The following TLL1 variants were observed in gnomAD, a reference collection of about 807,000 sequenced individuals.
TLL1 encodes the protein tolloid like 1, also known as tolloid-like protein 1.
TLL1 carries 49 observed loss-of-function variants against 128.2 expected under a neutral mutation model. That is an observed-to-expected ratio of 0.38 (90% CI 0.30 to 0.48). TLL1 has a LOEUF of 0.48. TLL1 is among the 20% of genes least tolerant of loss of function. The probability of loss-of-function intolerance (pLI) is 0.96; values close to 1 mark genes in which losing one functional copy is unlikely to be tolerated. For missense variants in TLL1, 1,123 were observed against 1,242.0 expected (o/e 0.90, Z 1.44); for synonymous variants, 454 against 418.8 (o/e 1.08, Z -1.03).
At chr4:165,943,724 C>T (rs1264019897) in intron 1 of TLL1, among the ~76,000 whole-genome samples, 1 of 152,038 alleles carries the variant, frequency 6.6e-6, no homozygotes, top group Non-Finnish European at 1.5e-5. Context: ...AAAAATGCAT[C>T]TACTATATAA....
intron 1 of TLL1, among the ~76,000 whole-genome samples, chr4:165,952,138 C>T (rs1487462983): frequency 6.6e-6 from 1 of 152,092 alleles, no homozygotes; most frequent in Non-Finnish European, 1.5e-5. Flanking sequence ...ATTTCCTGCT[C>T]ACCAAATTAT....
At position 166,008,049 on chromosome 4, in the gene TLL1, G is replaced by T. The variant is rs764193851; in HGVS notation, c.917+1G>T. The T allele has an allele frequency of 1.9e-6, 3 of 1,606,684 alleles. No homozygotes were observed. Among genetic ancestry groups the T allele is most frequent in the Admixed American group, 1.7e-5 (1 of 59,706 alleles). Reference sequence around the variant, plus strand: ...ACTATGCCAGGAACACCTTCTCAAGGTTGGAGTCTCAGGTTATACCTTTTG... The same window carrying T: ...ACTATGCCAGGAACACCTTCTCAAGTTTGGAGTCTCAGGTTATACCTTTTG... On this transcript the variant is annotated splice_donor_variant, in intron 7 of 20. Coordinates refer to ENST00000061240, the MANE Select transcript of TLL1 (RefSeq NM_012464.5). LOFTEE classifies it high-confidence loss of function.
At chr4:165,899,974 C>T (rs143304509) in intron 1 of TLL1, among the ~76,000 whole-genome samples, 1,677 of 151,366 alleles carry the variant, frequency 0.011, 14 homozygotes, top group Non-Finnish European at 0.015. Context: ...TTATGTAATG[C>T]CTTTCTTTGT....
At chr4:165,963,822 G>A (rs2110964828) in intron 1 of TLL1, among the ~76,000 whole-genome samples, 1 of 152,280 alleles carries the variant, frequency 6.6e-6, no homozygotes, top group South Asian at 2.1e-4. Context: ...GGCTCAGTAT[G>A]GACCTGATGA....
At chr4:166,077,555 G>A (rs935417915) in intron 17 of TLL1, among the ~76,000 whole-genome samples, 1 of 152,112 alleles carries the variant, frequency 6.6e-6, no homozygotes, top group South Asian at 2.1e-4. Context: ...TTGTGACATT[G>A]GATTAAATAC....
chr4:165,931,819 G>T (rs1480436862), intron 1 of TLL1, among the ~76,000 whole-genome samples: 1 of 152,124 alleles, frequency 6.6e-6, no homozygotes, highest in African/African-American at 2.4e-5. Context: ...TGCACTAAGA[G>T]AAAGTGCCCT....
chr4:166,015,501 A>G (rs1045303103), intron 8 of TLL1, among the ~76,000 whole-genome samples: 29 of 152,132 alleles, frequency 1.9e-4, no homozygotes, highest in African/African-American at 6.3e-4. Context: ...ATATATTGTT[A>G]TTGGGAAATT....
At chr4:166,017,143 A>G (rs1007523211) in intron 8 of TLL1, among the ~76,000 whole-genome samples, 1 of 151,868 alleles carries the variant, frequency 6.6e-6, no homozygotes, top group African/African-American at 2.4e-5. Flanking sequence ...TTTATGTCCA[A>G]GTATACTCTA....
chr4:166,051,848 C>T (rs1327842745), intron 12 of TLL1, among the ~76,000 whole-genome samples: 1 of 151,948 alleles, frequency 6.6e-6, no homozygotes, highest in Non-Finnish European at 1.5e-5. Flanking sequence ...TGCTGTTGCC[C>T]CAAATACCAG....
chr4:165,936,495 C>T (rs1733769833), intron 1 of TLL1, among the ~76,000 whole-genome samples: 1 of 151,708 alleles, frequency 6.6e-6, no homozygotes, highest in East Asian at 1.9e-4. Context: ...TACAGCTGCA[C>T]CTGGACTATT....
At chr4:165,964,977 AAAAT>A (rs1291054046) in intron 1 of TLL1, among the ~76,000 whole-genome samples, 1 of 152,128 alleles carries the variant, frequency 6.6e-6, no homozygotes, top group African/African-American at 2.4e-5. Flanking sequence ...AAATGCAATA[AAAAT>A]AAATAGATCC....
In TLL1 at chr4:166,018,310, T is replaced by C. The variant is rs574086212; in HGVS notation, c.1042+3750T>C. 3.9e-5 allele frequency among the ~76,000 whole-genome samples: 6 copies of C among 152,226 alleles called. No homozygotes were observed. The South Asian group carries it at 1.2e-3, about 32-fold the overall frequency. On this transcript the variant is annotated intron_variant, in intron 8 of 20. Transcript: ENST00000061240. Reference sequence around the variant, plus strand: ...ACCATATACATAAATTAACTCAAGATGAATTAAAGATTTAAATGTGAGACC... The same window carrying C: ...ACCATATACATAAATTAACTCAAGACGAATTAAAGATTTAAATGTGAGACC...
intron 19 of TLL1, among the ~76,000 whole-genome samples, chr4:166,092,656 C>T (rs1464100627): frequency 6.6e-6 from 1 of 152,002 alleles, no homozygotes; most frequent in Admixed American, 6.6e-5. Context: ...ATCATAGGTT[C>T]CAAGAAGGTA....
chr4:165,955,674 A>C (rs779957202), intron 1 of TLL1, among the ~76,000 whole-genome samples: 13 of 152,138 alleles, frequency 8.5e-5, no homozygotes, highest in Non-Finnish European at 1.9e-4. Context: ...CAAGAGTTTC[A>C]TATGCTGCCA....
In TLL1 at chr4:165,959,640, A is replaced by G. The variant is rs78627255; in HGVS notation, c.170-29741A>G. Among the ~76,000 whole-genome samples the G allele has an allele frequency of 5.6e-4, 86 of 152,262 alleles. No individual in the cohort carries two copies. The East Asian group carries it at 0.014, about 26-fold the overall frequency. On this transcript the variant is annotated intron_variant, in intron 1 of 20. Coordinates refer to ENST00000061240, the MANE Select transcript of TLL1 (RefSeq NM_012464.5). ...TGAAAAAGTTGAAATAATATCTAGCATACTCTTGGACCACAGTGCAATAAA... is the reference window on the plus strand; with the variant it reads ...TGAAAAAGTTGAAATAATATCTAGCGTACTCTTGGACCACAGTGCAATAAA...
At chr4:165,994,949 A>G in intron 4 of TLL1, 112 bp from the exon 5 acceptor site, 1 of 805,126 alleles carries the variant, frequency 1.2e-6, no homozygotes, top group African/African-American at 1.7e-5. Flanking sequence ...TCTTTGGTTG[A>G]TGATAGTGGT....
intron 9 of TLL1, among the ~76,000 whole-genome samples, chr4:166,028,533 A>G (rs917670673): frequency 2.0e-5 from 3 of 152,006 alleles, no homozygotes; most frequent in Non-Finnish European, 4.4e-5. Flanking sequence ...TGATGCTCAT[A>G]GATTCTCTAT....
intron 1 of TLL1, among the ~76,000 whole-genome samples, chr4:165,898,633 A>G (rs2110846995): frequency 6.6e-6 from 1 of 152,324 alleles, no homozygotes; most frequent in Non-Finnish European, 1.5e-5. Flanking sequence ...TTGGTTTGCC[A>G]GTATTTTATT....
chr4:165,955,840 C>T (rs1274199116), intron 1 of TLL1, among the ~76,000 whole-genome samples: 1 of 152,020 alleles, frequency 6.6e-6, no homozygotes, highest in Non-Finnish European at 1.5e-5. Flanking sequence ...GTAACCTGCC[C>T]CCAATATTTC....
Sources: allele counts gnomAD v4.1 joint callset (sites outside exome capture counted in the v4.1 genomes callset), GRCh38; gene constraint gnomAD v4.1.1; transcripts MANE v1.5; gene names NCBI Gene and HGNC (gene_info 2026-07-23, HGNC 2026-07-21).